The following KHDRBS2 variants were observed in gnomAD, a reference collection of about 807,000 sequenced individuals.
KHDRBS2 encodes the protein KH domain-containing, RNA-binding, signal transduction-associated protein 2.
A neutral mutation model predicts 44.3 loss-of-function variants in KHDRBS2; 26 were observed. That is an observed-to-expected ratio of 0.59 (90% CI 0.43 to 0.81). The LOEUF (loss-of-function observed/expected upper bound fraction) is 0.81. KHDRBS2 is among the 40% of genes least tolerant of loss of function. The pLI is 0.00. For missense variants in KHDRBS2, 476 were observed against 433.1 expected (o/e 1.10, Z -0.88); for synonymous variants, 194 against 151.1 (o/e 1.28, Z -2.08).
At chr6:62,133,188 T>C (rs191687943) in intron 2 of KHDRBS2, among the ~76,000 whole-genome samples, 86 of 152,266 alleles carry the variant, frequency 5.6e-4, no homozygotes, top group African/African-American at 1.9e-3. Context: ...ATTGGTGATA[T>C]GGTTTGGTTG....
intron 2 of KHDRBS2, among the ~76,000 whole-genome samples, chr6:62,117,716 C>A (rs1806607471): frequency 6.6e-6 from 1 of 151,948 alleles, no homozygotes; most frequent in Admixed American, 6.6e-5. Context: ...CCAATATTTT[C>A]TTCTAGTATT....
chr6:61,735,434 T>G (rs1353265464), intron 6 of KHDRBS2, among the ~76,000 whole-genome samples: 1 of 152,284 alleles, frequency 6.6e-6, no homozygotes, highest in South Asian at 2.1e-4. Context: ...CCCAGTTAAA[T>G]TTCTACAATT....
chr6:62,256,106 A>T (rs1331227127), intron 1 of KHDRBS2, among the ~76,000 whole-genome samples: 1 of 151,698 alleles, frequency 6.6e-6, no homozygotes, highest in Non-Finnish European at 1.5e-5. Context: ...CTGCACTCCA[A>T]CCTAGGGGAC....
intron 1 of KHDRBS2, among the ~76,000 whole-genome samples, chr6:62,189,763 C>T (rs1824209275): frequency 6.7e-6 from 1 of 148,666 alleles, no homozygotes; most frequent in Admixed American, 6.7e-5. Context: ...TCAACAGTGA[C>T]TCTCAGGTTT....
rs1311151862 is a variant in KHDRBS2, at chr6:61,680,665, A to T, written c.*298T>A. ...AAAAAAAAAAAAAAGAAAAAGAAAA[A>T]AAAAAGATTACACACAACAATGAAA... is the stretch of plus-strand genomic sequence containing the variant. On this transcript the variant is annotated 3_prime_UTR_variant, in exon 9 of 9. Transcript: ENST00000281156. 7 of 203,734 alleles carry T rather than the reference A, an allele frequency of 3.4e-5. No homozygotes were observed. Among genetic ancestry groups the T allele is most frequent in the Non-Finnish European group, 5.9e-5 (6 of 101,724 alleles). The allele number at this position is 203,734 out of a possible 1,614,324, so 12.6% of individuals were successfully genotyped here.
chr6:61,591,508 T>C, the KHDRBS2 span, among the ~76,000 whole-genome samples: 1 of 152,184 alleles, frequency 6.6e-6, no homozygotes, highest in Non-Finnish European at 1.5e-5. Context: ...GAAACCATCC[T>C]GTTGGTCAGG....
At chr6:62,053,906 T>A (rs1225074195) in intron 2 of KHDRBS2, among the ~76,000 whole-genome samples, 1 of 152,040 alleles carries the variant, frequency 6.6e-6, no homozygotes, top group African/African-American at 2.4e-5. Flanking sequence ...TATTTTTGTA[T>A]GCCAGCAGCA....
the KHDRBS2 span, among the ~76,000 whole-genome samples, chr6:61,636,535 T>G: frequency 6.6e-6 from 1 of 152,140 alleles, no homozygotes; most frequent in East Asian, 1.9e-4. Flanking sequence ...GACTCAATAC[T>G]GCATGTGATT....
chr6:61,595,335 A>T, the KHDRBS2 span, among the ~76,000 whole-genome samples: 3 of 152,174 alleles, frequency 2.0e-5, no homozygotes, highest in Non-Finnish European at 4.4e-5. Flanking sequence ...CCATTAAGAG[A>T]TGAACGAAGA....
chr6:61,652,425 T>C, the KHDRBS2 span: 1 of 151,766 alleles, frequency 6.6e-6, no homozygotes, highest in Non-Finnish European at 1.5e-5. Flanking sequence ...GCATCTACTT[T>C]ATATTTACTA....
At chr6:62,105,853 C>CTT (rs1201320300) in intron 2 of KHDRBS2, among the ~76,000 whole-genome samples, 1 of 152,054 alleles carries the variant, frequency 6.6e-6, no homozygotes, top group Non-Finnish European at 1.5e-5. Context: ...TTTTCGAGTT[C>CTT]TTTTAATTGT....
Position 62,075,699 on chromosome 6 carries a change from T to C in KHDRBS2, c.220-27705A>G, listed in dbSNP as rs528509663. Among the ~76,000 whole-genome samples the C allele has an allele frequency of 1.7e-3, 253 of 152,050 alleles. 7 individuals are homozygous for C. The South Asian group carries it at 0.05, about 30-fold the overall frequency. ...TCCAATTTTGATAGATGAGTAACTCTATCATCCCAGGCTTTATGCCATGAG... is the reference window on the plus strand; with the variant it reads ...TCCAATTTTGATAGATGAGTAACTCCATCATCCCAGGCTTTATGCCATGAG... On this transcript the variant is annotated intron_variant, in intron 2 of 8. Coordinates refer to ENST00000281156, the MANE Select transcript of KHDRBS2 (RefSeq NM_152688.4).
chr6:62,116,288 C>A (rs1200727557), intron 2 of KHDRBS2, among the ~76,000 whole-genome samples: 2 of 151,986 alleles, frequency 1.3e-5, no homozygotes, highest in Non-Finnish European at 2.9e-5. Context: ...GAATAGCTTT[C>A]CAAAAACATA....
intron 3 of KHDRBS2, among the ~76,000 whole-genome samples, chr6:62,042,335 C>T (rs1018384823): frequency 1.3e-5 from 2 of 152,058 alleles, no homozygotes; most frequent in Non-Finnish European, 2.9e-5. Context: ...TTTAACTCTG[C>T]TGGAAGTCAA....
At chr6:61,598,838 T>C in the KHDRBS2 span, among the ~76,000 whole-genome samples, 1 of 4,170 alleles carries the variant, frequency 2.4e-4, no homozygotes, top group Admixed American at 3.0e-3. Context: ...TTTTCTTTTC[T>C]TTTTTTTTTT....
At chr6:61,916,058 A>T (rs940215804) in intron 4 of KHDRBS2, among the ~76,000 whole-genome samples, 3 of 152,036 alleles carry the variant, frequency 2.0e-5, no homozygotes, top group Non-Finnish European at 4.4e-5. Context: ...ACATTTTCCA[A>T]GAGATTTGAT....
the KHDRBS2 span, among the ~76,000 whole-genome samples, chr6:61,575,671 C>A: frequency 1.3e-5 from 2 of 152,126 alleles, no homozygotes; most frequent in African/African-American, 4.8e-5. Context: ...TACAGCAGTA[C>A]AATTCACAAT....
At chr6:61,572,571 C>G in the KHDRBS2 span, among the ~76,000 whole-genome samples, 1 of 151,972 alleles carries the variant, frequency 6.6e-6, no homozygotes, top group African/African-American at 2.4e-5. Flanking sequence ...AAAATCCTCA[C>G]AAAAATACTA....
In KHDRBS2 at chr6:62,246,384, A is replaced by G. The variant is rs994580846; in HGVS notation, c.91+39474T>C. On this transcript the variant is annotated intron_variant, in intron 1 of 8. Transcript: ENST00000281156. ...ATATATCTGAGATACTCTATAAGAA[A>G]AACATTCACTTCTCCTTTCTTTTCT... 9.2e-5 allele frequency among the ~76,000 whole-genome samples: 14 copies of G among 152,110 alleles called. 1 individual carries two copies. The highest frequency in any genetic ancestry group is 5.9e-4 in the Admixed American group (9 of 15,228).
Sources: gnomAD v4.1 joint callset for allele counts (sites outside exome capture counted in the v4.1 genomes callset) on GRCh38, gnomAD v4.1.1 for gene constraint, MANE v1.5 for transcripts, NCBI Gene and HGNC (gene_info 2026-07-23, HGNC 2026-07-21) for gene names.